FER: variants seen among roughly 807,000 people sequenced by gnomAD.
FER encodes tyrosine-protein kinase Fer.
Under a neutral mutation model 111.0 loss-of-function variants are expected in FER, and 63 were observed. The ratio of observed to expected loss-of-function variants is 0.57; its 90% confidence interval spans 0.46 to 0.70. The LOEUF is 0.70. Ranked by LOEUF, FER falls within the 30% of genes least tolerant of loss-of-function variation. FER has a pLI of 0.00. For synonymous variants in FER, 327 were observed against 313.9 expected (o/e 1.04, Z -0.44); for missense variants, 914 against 954.0 (o/e 0.96, Z 0.55).
intron 17 of FER, among the ~76,000 whole-genome samples, chr5:109,147,986 G>C (rs980439712): frequency 6.6e-6 from 1 of 151,626 alleles, no homozygotes; most frequent in African/African-American, 2.4e-5. Context: ...ATTTATTTTT[G>C]AATTACATGT....
rs1273155543 is a variant in FER at position 108,790,001 on chromosome 5, C to T, written c.-59-8123C>T. Among the ~76,000 whole-genome samples, 3 of 152,038 alleles carry T rather than the reference C, an allele frequency of 2.0e-5. No individual in the cohort carries two copies. The South Asian group carries it at 6.2e-4, about 32-fold the overall frequency. On this transcript the variant is annotated intron_variant, in intron 2 of 19. Transcript: ENST00000281092. ...TTTCCAAGTTACAGAATAAAATGAACCACAATATCAGATACAGTTTTTTTT... is the reference window on the plus strand; with the variant it reads ...TTTCCAAGTTACAGAATAAAATGAATCACAATATCAGATACAGTTTTTTTT...
chr5:109,105,963 G>C (rs183764108), intron 17 of FER, among the ~76,000 whole-genome samples: 2 of 152,234 alleles, frequency 1.3e-5, no homozygotes, highest in East Asian at 1.9e-4. Flanking sequence ...GTTTAAGCCC[G>C]TTTTACACAT....
At chr5:109,027,105 T>A (rs1320244642) in intron 13 of FER, among the ~76,000 whole-genome samples, 16 of 152,194 alleles carry the variant, frequency 1.1e-4, no homozygotes, top group Admixed American at 7.9e-4. Context: ...TATTTTTTTT[T>A]AATTCTGATT....
chr5:108,820,069 A>T (rs1340220936), intron 3 of FER: 1 of 982,840 alleles, frequency 1.0e-6, no homozygotes, highest in African/African-American at 1.8e-5. Context: ...GCAGGAATAT[A>T]AAAAAAAGAA....
chr5:108,989,585 T>G (rs1762938261), intron 13 of FER, among the ~76,000 whole-genome samples: 1 of 152,012 alleles, frequency 6.6e-6, no homozygotes, highest in African/African-American at 2.4e-5. Context: ...ATCTTTCCAT[T>G]TTTGTTTTAA....
At chr5:108,851,629 T>C (rs891318245) in intron 5 of FER, among the ~76,000 whole-genome samples, 3 of 152,240 alleles carry the variant, frequency 2.0e-5, no homozygotes, top group African/African-American at 7.2e-5. Context: ...CAAAACCATA[T>C]TTAATTGTAT....
chr5:108,914,895 G>C (rs1011056299), intron 10 of FER, among the ~76,000 whole-genome samples: 1 of 152,180 alleles, frequency 6.6e-6, no homozygotes, highest in South Asian at 2.1e-4. Flanking sequence ...AAAAGCTCTT[G>C]AAATTTTGGA....
At chr5:108,749,487 C>T (rs982679687) in intron 1 of FER, among the ~76,000 whole-genome samples, 1 of 152,134 alleles carries the variant, frequency 6.6e-6, no homozygotes, top group African/African-American at 2.4e-5. Context: ...CATCTGGGCG[C>T]CGCCGTCCCG....
At chr5:108,831,902 G>A (rs114064810) in intron 3 of FER, among the ~76,000 whole-genome samples, 2,308 of 152,048 alleles carry the variant, frequency 0.015, 34 homozygotes, top group Non-Finnish European at 0.025. Context: ...GATCCACTGT[G>A]TCATAGGTCT....
At chr5:109,047,606 A>AT (rs932268111) in intron 16 of FER, among the ~76,000 whole-genome samples, 18 of 151,298 alleles carry the variant, frequency 1.2e-4, no homozygotes, top group East Asian at 9.7e-4. Context: ...TTAATTTTTA[A>AT]TTTTTTTTTG....
chr5:108,971,296 A>T (rs1025400292), intron 13 of FER, among the ~76,000 whole-genome samples: 2 of 147,778 alleles, frequency 1.4e-5, no homozygotes, highest in Non-Finnish European at 3.0e-5. Context: ...AAAAAAAAAA[A>T]CCCAGAAAGA....
At chr5:109,123,521 C>G (rs751363791) in intron 17 of FER, among the ~76,000 whole-genome samples, 1 of 151,696 alleles carries the variant, frequency 6.6e-6, no homozygotes, top group Admixed American at 6.6e-5. Context: ...TAATTTCTTG[C>G]TTTTTATTTT....
At chr5:108,773,998 G>T (rs1301027975) in intron 2 of FER, among the ~76,000 whole-genome samples, 1 of 152,010 alleles carries the variant, frequency 6.6e-6, no homozygotes, top group Non-Finnish European at 1.5e-5. Context: ...AGGTATATGT[G>T]TGCCATGGTG....
intron 16 of FER, among the ~76,000 whole-genome samples, chr5:109,095,615 G>A (rs2150054141): frequency 6.6e-6 from 1 of 152,136 alleles, no homozygotes; most frequent in East Asian, 1.9e-4. Flanking sequence ...TCTATTCTGT[G>A]TTTCATGGGG....
intron 16 of FER, among the ~76,000 whole-genome samples, chr5:109,070,126 AAGGTTGAT>A (rs1298825643): frequency 7.0e-6 from 1 of 143,694 alleles, no homozygotes; most frequent in Non-Finnish European, 1.5e-5. Flanking sequence ...TTTAATAATA[AAGGTTGAT>A]TTTTTTTTTT....
chr5:108,915,978 C>G (rs1752216279), intron 10 of FER, among the ~76,000 whole-genome samples: 1 of 151,976 alleles, frequency 6.6e-6, no homozygotes. Context: ...TGATATGACC[C>G]ACTTCCCTCT....
chr5:108,933,917 A>G (rs1755069433), intron 10 of FER, among the ~76,000 whole-genome samples: 1 of 152,156 alleles, frequency 6.6e-6, no homozygotes. Flanking sequence ...TTATTGGTGT[A>G]TAGGAATGCT....
At chr5:109,184,568 A>ATAAGATATGAGTCTGTATAACCTAC in intron 18 of FER, among the ~76,000 whole-genome samples, 1 of 152,286 alleles carries the variant, frequency 6.6e-6, no homozygotes, top group African/African-American at 2.4e-5. Flanking sequence ...ATCTTACAAA[A>ATAAGATATGAGTCTGTATAACCTAC]TAAGATATGA....
chr5:108,917,366 T>C (rs758776115), intron 10 of FER, among the ~76,000 whole-genome samples: 4 of 152,144 alleles, frequency 2.6e-5, no homozygotes, highest in Non-Finnish European at 5.9e-5. Flanking sequence ...GATAATTTGG[T>C]ATATGGGGAG....
Sources: gnomAD v4.1 joint callset for allele counts (sites outside exome capture counted in the v4.1 genomes callset) on GRCh38, gnomAD v4.1.1 for gene constraint, MANE v1.5 for transcripts, NCBI Gene and HGNC (gene_info 2026-07-23, HGNC 2026-07-21) for gene names.